Variants in EYS observed in about 807,000 individuals in gnomAD.
EYS encodes the protein protein eyes shut homolog.
Under a neutral mutation model 282.1 loss-of-function variants are expected in EYS, and 250 were observed. That is an observed-to-expected ratio of 0.89 (90% confidence interval 0.80 to 0.98). The LOEUF (loss-of-function observed/expected upper bound fraction) is 0.98. Among genes scored for constraint, EYS ranks in the 50% least tolerant of loss-of-function variants. The pLI is 0.00. For synonymous variants in EYS, 1,355 were observed against 1,282.9 expected (o/e 1.06, Z -1.20); for missense variants, 4,016 against 3,709.0 (o/e 1.08, Z -2.15).
chr6:64,661,395 A>G (rs1289961458), intron 22 of EYS, among the ~76,000 whole-genome samples: 1 of 152,222 alleles, frequency 6.6e-6, no homozygotes, highest in Non-Finnish European at 1.5e-5. Flanking sequence ...ATGGTATCTA[A>G]TTAAACTAAA....
intron 22 of EYS, among the ~76,000 whole-genome samples, chr6:64,736,628 G>C (rs1325961011): frequency 1.3e-5 from 2 of 152,060 alleles, no homozygotes; most frequent in East Asian, 3.9e-4. Flanking sequence ...AGTCTTTCCT[G>C]GTAAGTCAAA....
chr6:65,505,370 TTTA>T (rs1766619902), intron 2 of EYS, among the ~76,000 whole-genome samples: 1 of 151,830 alleles, frequency 6.6e-6, no homozygotes. Context: ...TTTGTATTAG[TTTA>T]TTTTCTTTAT....
chr6:64,400,655 A>T (rs1178572981), intron 28 of EYS, among the ~76,000 whole-genome samples: 1 of 152,120 alleles, frequency 6.6e-6, no homozygotes, highest in Non-Finnish European at 1.5e-5. Flanking sequence ...ATTATTGTTT[A>T]GCATTTGCTG....
At chr6:65,185,806 T>G (rs1248444758) in intron 12 of EYS, among the ~76,000 whole-genome samples, 2 of 151,786 alleles carry the variant, frequency 1.3e-5, no homozygotes, top group Non-Finnish European at 2.9e-5. Flanking sequence ...GGCTACTATT[T>G]ATAGTATGTT....
At chr6:64,964,404 A>C (rs1304111838) in intron 14 of EYS, among the ~76,000 whole-genome samples, 1 of 152,132 alleles carries the variant, frequency 6.6e-6, no homozygotes, top group Non-Finnish European at 1.5e-5. Flanking sequence ...ATTTTATTTA[A>C]TTATTAGACT....
intron 1 of EYS, among the ~76,000 whole-genome samples, chr6:65,680,324 AC>A: frequency 6.6e-6 from 1 of 151,866 alleles, no homozygotes; most frequent in Admixed American, 6.6e-5. Context: ...AGTTCCAACC[AC>A]TTTCAACATT....
chr6:64,389,697 T>G (rs1226046620), intron 28 of EYS, among the ~76,000 whole-genome samples: 1 of 152,194 alleles, frequency 6.6e-6, no homozygotes, highest in Non-Finnish European at 1.5e-5. Context: ...ACTATTCAAT[T>G]TATCTATTAA....
chr6:65,294,056 T>A (rs920634560), intron 12 of EYS, among the ~76,000 whole-genome samples: 1 of 150,778 alleles, frequency 6.6e-6, no homozygotes, highest in Non-Finnish European at 1.5e-5. Context: ...AGGAGGAGGA[T>A]CATATGATGG....
chr6:64,983,894 G>T (rs1362118888), intron 14 of EYS, among the ~76,000 whole-genome samples: 1 of 151,218 alleles, frequency 6.6e-6, no homozygotes, highest in Non-Finnish European at 1.5e-5. Context: ...TGACTTTGTA[G>T]CATTTAACCA....
intron 31 of EYS, among the ~76,000 whole-genome samples, chr6:64,150,606 C>T (rs1774668987): frequency 6.6e-6 from 1 of 152,020 alleles, no homozygotes; most frequent in Non-Finnish European, 1.5e-5. Context: ...ATTTTTATAT[C>T]ATAAATTACC....
Position 65,432,888 on chromosome 6 carries a change from G to T in EYS, c.863-27521C>A, listed in dbSNP as rs1376953375. On this transcript the variant is annotated intron_variant, in intron 5 of 42. Transcript: ENST00000503581. The stretch of plus-strand genomic sequence containing the variant: ...CTTTTCTGAGGGATTAAGTAAGAAT[G>T]TAAGAGAAAGGAGAAGTCAAGAAAA... 8.6e-5 allele frequency among the ~76,000 whole-genome samples: 13 copies of T among 152,026 alleles called. No homozygotes were observed. In the East Asian group the frequency reaches 2.3e-3, roughly 27 times the overall value.
chr6:65,478,007 CA>C (rs1765471426), intron 5 of EYS, among the ~76,000 whole-genome samples: 1 of 152,112 alleles, frequency 6.6e-6, no homozygotes, highest in Admixed American at 6.5e-5. Flanking sequence ...CCCCACATCT[CA>C]TATTCTCCTG....
chr6:64,686,139 G>A (rs1439112247), intron 22 of EYS, among the ~76,000 whole-genome samples: 1 of 151,524 alleles, frequency 6.6e-6, no homozygotes, highest in Admixed American at 6.6e-5. Flanking sequence ...GCAGTGCTTA[G>A]GGAAAAAATT....
intron 2 of EYS, among the ~76,000 whole-genome samples, chr6:65,597,151 A>G (rs750536153): frequency 9.9e-5 from 15 of 152,208 alleles, no homozygotes; most frequent in South Asian, 4.1e-4. Context: ...TCCTGCTCAA[A>G]TAAGTTTGAG....
chr6:65,703,019 G>C (rs1177907695), intron 1 of EYS, among the ~76,000 whole-genome samples: 1 of 152,098 alleles, frequency 6.6e-6, no homozygotes, highest in Non-Finnish European at 1.5e-5. Flanking sequence ...TTAGAGAAAA[G>C]ACTGAGGTCC....
At chr6:64,092,904 T>C (rs1772424789) in intron 31 of EYS, among the ~76,000 whole-genome samples, 1 of 151,302 alleles carries the variant, frequency 6.6e-6, no homozygotes, top group African/African-American at 2.4e-5. Flanking sequence ...ATTTAAGTCT[T>C]TAATCCATCT....
chr6:65,667,704 C>T (rs1697325567), intron 1 of EYS, among the ~76,000 whole-genome samples: 1 of 151,778 alleles, frequency 6.6e-6, no homozygotes, highest in South Asian at 2.1e-4. Context: ...AGATTGCAAG[C>T]TCCTTGAGAC....
intron 35 of EYS, among the ~76,000 whole-genome samples, chr6:63,970,265 C>T (rs1280377555): frequency 6.6e-6 from 1 of 152,172 alleles, no homozygotes; most frequent in Non-Finnish European, 1.5e-5. Context: ...CTAGTGAAGG[C>T]CCTTGTGAGC....
chr6:65,514,820 C>A (rs1334529640), intron 2 of EYS, among the ~76,000 whole-genome samples: 1 of 152,076 alleles, frequency 6.6e-6, no homozygotes, highest in African/African-American at 2.4e-5. Context: ...AACAATAGAC[C>A]TAAAACCATA....
Sources: allele counts gnomAD v4.1 joint callset (sites outside exome capture counted in the v4.1 genomes callset), GRCh38; gene constraint gnomAD v4.1.1; transcripts MANE v1.5; gene names NCBI Gene and HGNC (gene_info 2026-07-23, HGNC 2026-07-21).